RPS6KC1: variants seen among roughly 807,000 people sequenced by gnomAD.
The protein encoded by RPS6KC1 is ribosomal protein S6 kinase C1, also known as inactive ribosomal protein S6 kinase delta-1.
A neutral mutation model predicts 103.8 loss-of-function variants in RPS6KC1; 54 were observed. The ratio of observed to expected loss-of-function variants is 0.52; its 90% CI spans 0.42 to 0.65. The LOEUF (loss-of-function observed/expected upper bound fraction) is 0.65. Among genes scored for constraint, RPS6KC1 ranks in the 30% least tolerant of loss-of-function variants. The pLI is 0.00. For missense variants in RPS6KC1, 1,151 were observed against 1,253.8 expected (o/e 0.92, Z 1.24); for synonymous variants, 439 against 438.7 (o/e 1.00, Z -0.01).
At chr1:213,666,814 A>G in the RPS6KC1 span, among the ~76,000 whole-genome samples, 1 of 152,254 alleles carries the variant, frequency 6.6e-6, no homozygotes, top group African/African-American at 2.4e-5. Flanking sequence ...CCGCTTATTC[A>G]TAAGGGCACC....
chr1:213,750,480 G>A, the RPS6KC1 span, among the ~76,000 whole-genome samples: 1 of 152,202 alleles, frequency 6.6e-6, no homozygotes, highest in African/African-American at 2.4e-5. Context: ...GGAGGTTATT[G>A]TAAGAGCCCA....
chr1:213,750,498 C>T, the RPS6KC1 span, among the ~76,000 whole-genome samples: 15 of 152,246 alleles, frequency 9.9e-5, no homozygotes, highest in Non-Finnish European at 1.3e-4. Context: ...CCAGGAGAGA[C>T]GATGAGGACC....
the RPS6KC1 span, among the ~76,000 whole-genome samples, chr1:213,287,232 ATG>A: frequency 4.5e-3 from 657 of 146,830 alleles, 4 homozygotes; most frequent in African/African-American, 0.015. Flanking sequence ...TGCCTATACA[ATG>A]TGTGTGTGTG....
chr1:213,650,399 T>G, the RPS6KC1 span, among the ~76,000 whole-genome samples: 1 of 152,214 alleles, frequency 6.6e-6, no homozygotes, highest in African/African-American at 2.4e-5. Flanking sequence ...GATATTAGCC[T>G]TCAGCAAAAG....
At chr1:213,415,892 C>A in the RPS6KC1 span, among the ~76,000 whole-genome samples, 2 of 152,168 alleles carry the variant, frequency 1.3e-5, no homozygotes, top group Admixed American at 1.3e-4. Flanking sequence ...CAGTTTAACT[C>A]GGCAGATGAC....
At chr1:213,861,803 TAATA>T in the RPS6KC1 span, among the ~76,000 whole-genome samples, 3 of 152,356 alleles carry the variant, frequency 2.0e-5, no homozygotes, top group Non-Finnish European at 1.5e-5. Flanking sequence ...AGTCGTATCT[TAATA>T]AATGCTTTTG....
At chr1:213,111,961 C>T (rs1308829555) in intron 4 of RPS6KC1, among the ~76,000 whole-genome samples, 1 of 152,058 alleles carries the variant, frequency 6.6e-6, no homozygotes, top group African/African-American at 2.4e-5. Context: ...CAAATTGTCG[C>T]TCCTAAAGAG....
At chr1:213,295,063 C>T in the RPS6KC1 span, among the ~76,000 whole-genome samples, 121 of 152,150 alleles carry the variant, frequency 8.0e-4, no homozygotes, top group African/African-American at 2.8e-3. Flanking sequence ...TTGTCTGCTA[C>T]TTGGTTTGAA....
chr1:213,682,691 A>G, the RPS6KC1 span, among the ~76,000 whole-genome samples: 5 of 152,210 alleles, frequency 3.3e-5, no homozygotes, highest in Non-Finnish European at 7.4e-5. Context: ...TCATAATTCT[A>G]TTTGTGAAGA....
the RPS6KC1 span, among the ~76,000 whole-genome samples, chr1:213,368,469 G>A: frequency 6.6e-6 from 1 of 152,158 alleles, no homozygotes; most frequent in South Asian, 2.1e-4. Context: ...TTCTTAGGGA[G>A]GGGGCTCCTA....
rs527638713 is a variant in RPS6KC1 at position 213,187,478 on chromosome 1, T to C, written c.1044+10986T>C. 2.6e-4 allele frequency among the ~76,000 whole-genome samples: 39 copies of C among 152,256 alleles called. No individual in the cohort carries two copies. The South Asian group carries it at 8.1e-3, about 32-fold the overall frequency. On this transcript the variant is annotated intron_variant, in intron 8 of 14. Transcript: ENST00000366960. ...CCTGGCTGGTCTTGAACTCCTGGCCTCAAGTGATCCACCTGCCTCGGCCTC... is the reference window on the plus strand; with the variant it reads ...CCTGGCTGGTCTTGAACTCCTGGCCCCAAGTGATCCACCTGCCTCGGCCTC...
At chr1:213,836,145 A>G in the RPS6KC1 span, 2 of 152,186 alleles carry the variant, frequency 1.3e-5, no homozygotes, top group Non-Finnish European at 2.9e-5. Flanking sequence ...GCAAGAGAGT[A>G]AAAAATGGAA....
intron 6 of RPS6KC1, among the ~76,000 whole-genome samples, chr1:213,151,391 A>G (rs867741128): frequency 2.4e-4 from 29 of 121,898 alleles, no homozygotes; most frequent in Non-Finnish European, 3.7e-4. Context: ...GGCCGGGCAG[A>G]GGGGCTCCTC....
the RPS6KC1 span, among the ~76,000 whole-genome samples, chr1:213,369,369 A>G: frequency 6.6e-6 from 1 of 152,244 alleles, no homozygotes; most frequent in Non-Finnish European, 1.5e-5. Context: ...TACCTAGAGT[A>G]GGAGATGGAC....
the RPS6KC1 span, among the ~76,000 whole-genome samples, chr1:213,824,018 C>T: frequency 1.3e-5 from 2 of 152,172 alleles, no homozygotes; most frequent in Non-Finnish European, 2.9e-5. Flanking sequence ...GATAAGGTCT[C>T]TAGCGATGCT....
the RPS6KC1 span, among the ~76,000 whole-genome samples, chr1:213,641,918 C>T: frequency 8.0e-5 from 12 of 150,478 alleles, no homozygotes; most frequent in Non-Finnish European, 1.8e-4. Flanking sequence ...AAGTTATCCT[C>T]CCTTCAAGTT....
chr1:213,091,081 G>A (rs993898295), intron 3 of RPS6KC1, among the ~76,000 whole-genome samples: 35 of 150,576 alleles, frequency 2.3e-4, no homozygotes, highest in African/African-American at 7.8e-4. Context: ...TTTTTGAGAC[G>A]GAGTCTCGCT....
At chr1:213,560,388 A>G in the RPS6KC1 span, among the ~76,000 whole-genome samples, 4,015 of 152,284 alleles carry the variant, frequency 0.026, 89 homozygotes, top group African/African-American at 0.062. Flanking sequence ...TTACTGTCAA[A>G]GAAGACATGG....
chr1:213,509,405 T>C, the RPS6KC1 span, among the ~76,000 whole-genome samples: 1 of 152,178 alleles, frequency 6.6e-6, no homozygotes, highest in African/African-American at 2.4e-5. Context: ...TATAAAATAC[T>C]ATAAGCGGAA....
Sources: gnomAD v4.1 joint callset for allele counts (sites outside exome capture counted in the v4.1 genomes callset) on GRCh38, gnomAD v4.1.1 for gene constraint, MANE v1.5 for transcripts, NCBI Gene and HGNC (gene_info 2026-07-23, HGNC 2026-07-21) for gene names.